OR11A1: variants seen among roughly 807,000 people sequenced by gnomAD.
OR11A1 encodes olfactory receptor 11A1.
For missense variants in OR11A1, 380 were observed against 378.2 expected, an observed-to-expected ratio of 1.00 and a Z score of -0.04; for synonymous variants, 158 against 152.2, an observed-to-expected ratio of 1.04 and a Z score of -0.28.
intron 1 of OR11A1, among the ~76,000 whole-genome samples, chr6:29,451,940 A>G (rs1785440127): frequency 6.6e-6 from 1 of 152,176 alleles, no homozygotes; most frequent in Admixed American, 6.5e-5. Flanking sequence ...ATACCTATCA[A>G]CAGTGGACTG....
intron 1 of OR11A1, among the ~76,000 whole-genome samples, chr6:29,446,650 T>C (rs891600075): frequency 6.6e-6 from 1 of 152,186 alleles, no homozygotes; most frequent in African/African-American, 2.4e-5. Context: ...AGGTTAGACA[T>C]TCGGCCACTT....
chr6:29,444,900 A>G (rs373186726), intron 1 of OR11A1, among the ~76,000 whole-genome samples: 2 of 151,612 alleles, frequency 1.3e-5, no homozygotes, highest in African/African-American at 4.8e-5. Flanking sequence ...CCTCCTACCA[A>G]CCTTTCTCCC....
In OR11A1 at chr6:29,430,318, A is replaced by C. The variant is rs1315373294; in HGVS notation, c.-157T>G. On this transcript the variant is annotated 5_prime_UTR_variant, in exon 3 of 5. It removes an upstream start codon present in the reference 5' UTR. Coordinates refer to ENST00000377149, the MANE Select transcript of OR11A1 (RefSeq NM_001394828.1). ...TCTCTTACCCTTTGATCCCATCTGC[A>C]TTTCCTTGTGAGTGAATCTGGCACT... 2.0e-6 allele frequency: 2 copies of C among 985,220 alleles called. No individual in the cohort carries two copies. Among genetic ancestry groups the C allele is most frequent in the Non-Finnish European group, 2.4e-6 (2 of 829,932 alleles). 61.0% of individuals were successfully genotyped at this position (985,220 alleles called of 1,614,324 possible).
At chr6:29,451,273 A>C (rs1785347273) in intron 1 of OR11A1, among the ~76,000 whole-genome samples, 4 of 152,244 alleles carry the variant, frequency 2.6e-5, no homozygotes, top group Admixed American at 2.0e-4. Flanking sequence ...AGCAAATACC[A>C]TTCTGTACAT....
rs1486332578 is a variant in OR11A1 at position 29,453,032 on chromosome 6, G to T, written c.-389+3955C>A. ...TTATTATCAGATTTTTATATTCTAT[G>T]TTAAAGGTATTGTATTAAGTCAGAG... On this transcript the variant is annotated intron_variant, in intron 1 of 4. Coordinates refer to ENST00000377149, the MANE Select transcript of OR11A1 (RefSeq NM_001394828.1). This position sits in a 1 kb window ranked among gnomAD's most constrained non-coding sequence, Gnocchi z 4.5. Among the ~76,000 whole-genome samples, 1 of 151,424 alleles carries T rather than the reference G, an allele frequency of 6.6e-6. No individual in the cohort carries two copies. Among genetic ancestry groups the T allele is most frequent in the Non-Finnish European group, 1.5e-5 (1 of 67,800 alleles).
At chr6:29,428,385 A>G in intron 4 of OR11A1, 1 of 985,654 alleles carries the variant, frequency 1.0e-6, no homozygotes, top group Non-Finnish European at 1.2e-6. Flanking sequence ...GTTGTGGGGC[A>G]GAAGGTGTGG....
chr6:29,444,078 C>T (rs1013359561), intron 1 of OR11A1, among the ~76,000 whole-genome samples: 1 of 151,978 alleles, frequency 6.6e-6, no homozygotes, highest in African/African-American at 2.4e-5. Context: ...CCCATAATTC[C>T]CATGTGTTGT....
chr6:29,445,060 G>A (rs1226764019), intron 1 of OR11A1, among the ~76,000 whole-genome samples: 4 of 152,164 alleles, frequency 2.6e-5, no homozygotes, highest in African/African-American at 4.8e-5. Context: ...AGGCTAGAGT[G>A]CAGTGGCACG....
chr6:29,449,804 T>C (rs1785160049), intron 1 of OR11A1, among the ~76,000 whole-genome samples: 1 of 152,098 alleles, frequency 6.6e-6, no homozygotes, highest in Non-Finnish European at 1.5e-5. Flanking sequence ...GTCCAGCCAA[T>C]TTTTGTATCT....
At chr6:29,430,200 A>G in intron 3 of OR11A1, 101 bp downstream of exon 3, 2 of 770,160 alleles carry the variant, frequency 2.6e-6, no homozygotes, top group South Asian at 1.2e-4. Flanking sequence ...ACCTAAACCC[A>G]TATGAATTGA....
chr6:29,432,091 A>G (rs1783267728), intron 1 of OR11A1, 104 bp from the exon 2 acceptor site: 1 of 777,808 alleles, frequency 1.3e-6, no homozygotes, highest in South Asian at 5.9e-5. Flanking sequence ...CTCTCAGGCT[A>G]TTCTGTCCTT....
At chr6:29,454,666 G>A (rs530010502) in intron 1 of OR11A1, among the ~76,000 whole-genome samples, 1 of 152,198 alleles carries the variant, frequency 6.6e-6, no homozygotes, top group Admixed American at 6.5e-5. Context: ...AACATTATTA[G>A]TAACACCCAA....
chr6:29,429,234 T>C (rs1043404511), intron 3 of OR11A1, among the ~76,000 whole-genome samples: 1 of 152,214 alleles, frequency 6.6e-6, no homozygotes, highest in Middle Eastern at 3.2e-3. Context: ...CACTGTTTTG[T>C]AGTTTTGCCT....
At chr6:29,445,565 T>G (rs928521278) in intron 1 of OR11A1, among the ~76,000 whole-genome samples, 1 of 152,158 alleles carries the variant, frequency 6.6e-6, no homozygotes, top group African/African-American at 2.4e-5. Context: ...CAGAGCTCAC[T>G]CCCACAGTCT....
At position 29,449,712 on chromosome 6, in the gene OR11A1, A is replaced by G. The variant is rs568441848; in HGVS notation, c.-389+7275T>C. ...AGTTCAGTGGCATGATCTCGGCTCA[A>G]TGCAACCTCCACCTCCCAGGTTTAA... is the stretch of plus-strand genomic sequence containing the variant. On this transcript the variant is annotated intron_variant, in intron 1 of 4. Coordinates refer to ENST00000377149, the MANE Select transcript of OR11A1 (RefSeq NM_001394828.1). 3.3e-5 allele frequency among the ~76,000 whole-genome samples: 5 copies of G among 152,028 alleles called. No individual in the cohort carries two copies. The East Asian group carries it at 5.8e-4, about 18-fold the overall frequency.
chr6:29,446,002 T>G (rs16894923), intron 1 of OR11A1, among the ~76,000 whole-genome samples: 5,941 of 152,042 alleles, frequency 0.039, 278 homozygotes, highest in African/African-American at 0.11. Context: ...TGACCAGGCT[T>G]GCTACACAAA....
In OR11A1 at chr6:29,427,550, A is replaced by G; in HGVS notation, c.92T>C (p.Ile31Thr). Residue 31 changes from isoleucine to threonine, a missense_variant, in exon 5 of 5, where the codon ATT becomes ACT. Transcript: ENST00000377149. ...GAAGACATAGACAGCAGTGAATACA[A>G]TAAAAAACAAGAAATGCAGTTCAGG... The part of the protein sequence containing the change: ...DIPELHFLFF[I>T]VFTAVYVFII... The G allele has an allele frequency of 2.5e-6, 4 of 1,613,060 alleles. No homozygotes were observed. The highest frequency in any genetic ancestry group is 3.4e-6 in the Non-Finnish European group (4 of 1,180,020).
Position 29,426,511 on chromosome 6 carries a change from G to T in OR11A1, c.*183C>A, listed in dbSNP as rs1194220213. 2 of 571,620 alleles carry T rather than the reference G, an allele frequency of 3.5e-6. No individual in the cohort carries two copies. Among genetic ancestry groups the T allele is most frequent in the East Asian group, 5.5e-5 (2 of 36,124 alleles). The allele number at this position is 571,620 out of a possible 1,614,324, so 35.4% of individuals were successfully genotyped here. ...TTACCTATGTAACAAACCTGCACAT[G>T]TACCCTTGAACTTAAAATAAAAGTT... On this transcript the variant is annotated 3_prime_UTR_variant, in exon 5 of 5. Transcript: ENST00000377149.
chr6:29,428,713 C>T (rs1349358026), intron 4 of OR11A1, among the ~76,000 whole-genome samples, 200 bp downstream of exon 4: 5 of 135,966 alleles, frequency 3.7e-5, no homozygotes, highest in Admixed American at 2.5e-4. Context: ...GCCGATATCG[C>T]GCCACTGCAC....
Sources: gnomAD v4.1 joint callset for allele counts (sites outside exome capture counted in the v4.1 genomes callset) on GRCh38, gnomAD v4.1.1 for gene constraint, Gnocchi (gnomAD v3.1) non-coding constraint, MANE v1.5 for transcripts, NCBI Gene and HGNC (gene_info 2026-07-23, HGNC 2026-07-21) for gene names.